Variants in ANKRD13A observed in about 807,000 individuals in gnomAD.
The protein encoded by ANKRD13A is ankyrin repeat domain 13A, also known as ankyrin repeat domain-containing protein 13A.
Under a neutral mutation model 81.3 loss-of-function variants are expected in ANKRD13A, and 48 were observed. The ratio of observed to expected loss-of-function variants is 0.59; its 90% CI spans 0.47 to 0.75. The LOEUF (loss-of-function observed/expected upper bound fraction) is 0.75, where lower values mean the gene tolerates loss of function less well. Ranked by LOEUF, ANKRD13A falls within the 30% of genes least tolerant of loss-of-function variation. The pLI is 0.00. For synonymous variants in ANKRD13A, 230 were observed against 270.1 expected (o/e 0.85, Z 1.45); for missense variants, 612 against 734.0 (o/e 0.83, Z 1.92).
intron 5 of ANKRD13A, 35 bp from the exon 6 acceptor site, chr12:110,019,104 T>A (rs759452049): frequency 6.5e-7 from 1 of 1,540,008 alleles, no homozygotes. Context: ...TCTTCCCTAC[T>A]TTGCACTTAG....
intron 6 of ANKRD13A, among the ~76,000 whole-genome samples, chr12:110,022,970 T>G (rs2137140362): frequency 6.6e-6 from 1 of 152,344 alleles, no homozygotes; most frequent in South Asian, 2.1e-4. Context: ...CATAAACTCA[T>G]TATACCATCT....
chr12:110,001,998 T>C (rs900833183), intron 1 of ANKRD13A, among the ~76,000 whole-genome samples: 3 of 151,862 alleles, frequency 2.0e-5, no homozygotes, highest in African/African-American at 7.3e-5. Context: ...CAGGCTGGTC[T>C]TGAACTCTTG....
At chr12:110,000,268 A>G (rs938586142) in intron 1 of ANKRD13A, among the ~76,000 whole-genome samples, 3 of 152,138 alleles carry the variant, frequency 2.0e-5, no homozygotes, top group African/African-American at 7.2e-5. Context: ...TGGGCAAGGC[A>G]TTTTCCCTCT....
intron 12 of ANKRD13A, chr12:110,032,421 A>G (rs1436377767): frequency 6.6e-6 from 1 of 152,240 alleles, no homozygotes; most frequent in Non-Finnish European, 1.5e-5. Flanking sequence ...CTCGACAATA[A>G]TATACACCTT....
rs544700124 is a variant in ANKRD13A, at chr12:110,033,823, G to A, written c.1375G>A (p.Asp459Asn). 1.2e-6 allele frequency: 2 copies of A among 1,607,850 alleles called. No homozygotes were observed. The highest frequency in any genetic ancestry group is 1.1e-5 in the South Asian group (1 of 90,010). The change falls in exon 13 of 15, where the codon GAT becomes AAT. Residue 459 changes from aspartate (D) to asparagine (N), a missense_variant. By Grantham distance (23) the Asp-to-Asn change is conservative. Coordinates refer to ENST00000261739, the MANE Select transcript of ANKRD13A (RefSeq NM_033121.2). ...SASHITNFEV[D>N]QSVFEIPESY... Reference sequence around the variant, plus strand: ...TTCCCACATCACAAACTTTGAGGTTGATCAATCTGTGTTTGAAATTCCCGA... The same window carrying A: ...TTCCCACATCACAAACTTTGAGGTTAATCAATCTGTGTTTGAAATTCCCGA...
At chr12:110,003,910 G>A (rs1051742066) in intron 1 of ANKRD13A, among the ~76,000 whole-genome samples, 4 of 152,146 alleles carry the variant, frequency 2.6e-5, no homozygotes, top group South Asian at 2.1e-4. Context: ...TGTACTCCCA[G>A]CTCTTTGGGA....
chr12:110,033,740 A>G, intron 12 of ANKRD13A, 57 bp from the exon 13 acceptor site: 1 of 1,451,252 alleles, frequency 6.9e-7, no homozygotes, highest in Non-Finnish European at 9.1e-7. Flanking sequence ...ATTTTTGCAA[A>G]AAGTTGGAGT....
At chr12:110,015,953 CTTT>C (rs559435860) in intron 3 of ANKRD13A, among the ~76,000 whole-genome samples, 6 of 139,582 alleles carry the variant, frequency 4.3e-5, no homozygotes, top group Admixed American at 7.1e-5. Context: ...TTTTTTCTTT[CTTT>C]TTTTTTTTTT....
intron 9 of ANKRD13A, 96 bp downstream of exon 9, chr12:110,027,862 C>CT: frequency 8.0e-7 from 1 of 1,244,848 alleles, no homozygotes; most frequent in South Asian, 1.2e-5. Context: ...ACAGCCCACT[C>CT]TATGTAAAGG....
At position 110,027,560 on chromosome 12, in the gene ANKRD13A, T is replaced by C. The variant is rs1039137147; in HGVS notation, c.884-145T>C. ...ACCCTATAAAGGATAAATTAGTTTA[T>C]GGTTATTGTGAATGATTTGATCAGC... On this transcript the variant is annotated intron_variant, in intron 8 of 14. Coordinates refer to ENST00000261739, the MANE Select transcript of ANKRD13A (RefSeq NM_033121.2). 1.9e-5 allele frequency: 14 copies of C among 741,060 alleles called. No individual in the cohort carries two copies. In the Admixed American group the frequency reaches 2.9e-4, roughly 15 times the overall value. The allele number at this position is 741,060 out of a possible 1,614,324, so 45.9% of individuals were successfully genotyped here.
rs1402482787 is a variant in ANKRD13A, at chr12:110,012,080, C to T, written c.172C>T (p.Arg58Ter). The T allele has an allele frequency of 6.2e-7, 1 of 1,613,154 alleles. No homozygotes were observed. The highest frequency in any genetic ancestry group is 8.5e-7 in the Non-Finnish European group (1 of 1,179,278). Residue 58 changes from arginine to a stop codon, truncating the protein, a stop_gained, in exon 2 of 15, where the codon CGA becomes TGA. Coordinates refer to ENST00000261739, the MANE Select transcript of ANKRD13A (RefSeq NM_033121.2). LOFTEE classifies it high-confidence loss of function. ...TTCCTTGGGACATTTGGAATCTGCT[C>T]GAGTCTTACTCCGACATAAAGCAGA... is the stretch of plus-strand genomic sequence containing the variant. ...AVSLGHLESA[R>*]VLLRHKADVT...
At position 110,028,639 on chromosome 12, in the gene ANKRD13A, A is replaced by G. The variant is rs370433255; in HGVS notation, c.1073A>G (p.Gln358Arg). The change falls in exon 10 of 15, where the codon CAG (glutamine) becomes CGG (arginine). Residue 358 changes from glutamine (Q) to arginine (R), a missense_variant. Coordinates refer to ENST00000261739, the MANE Select transcript of ANKRD13A (RefSeq NM_033121.2). Reference sequence around the variant, plus strand: ...CCGAAAGAGCTGACGATTAGAACACAGAAGTAAGAGAGGTTCAGCTGCCAT... The same window carrying G: ...CCGAAAGAGCTGACGATTAGAACACGGAAGTAAGAGAGGTTCAGCTGCCAT... ...GRPKELTIRTQKFKAMLWMCE... is the reference protein window; with the variant it reads ...GRPKELTIRTRKFKAMLWMCE... 1.8e-5 allele frequency: 29 copies of G among 1,614,094 alleles called. No homozygotes were observed. The highest frequency in any genetic ancestry group is 2.3e-5 in the Non-Finnish European group (27 of 1,180,036).
chr12:110,036,706 C>T lies in ANKRD13A; in HGVS notation c.1577+378C>T, dbSNP rs570234015. On this transcript the variant is annotated intron_variant, in intron 14 of 14. Coordinates refer to ENST00000261739, the MANE Select transcript of ANKRD13A (RefSeq NM_033121.2). This position sits in a 1 kb window ranked among gnomAD's most constrained non-coding sequence, Gnocchi z 4.6. ...CGGAGCTTGCAGTGAGCCGAGATCG[C>T]GCCACTGCACTCCAGCCTGGGCGAT... Among the ~76,000 whole-genome samples the T allele has an allele frequency of 3.3e-5, 5 of 152,096 alleles. No homozygotes were observed. The highest frequency in any genetic ancestry group is 6.5e-5 in the Admixed American group (1 of 15,288).
chr12:110,010,777 G>A (rs762182883), intron 1 of ANKRD13A, among the ~76,000 whole-genome samples: 1 of 152,196 alleles, frequency 6.6e-6, no homozygotes, highest in Non-Finnish European at 1.5e-5. Context: ...AAAACAGGGA[G>A]GTTTGATAGC....
At chr12:110,008,792 C>T (rs538190629) in intron 1 of ANKRD13A, among the ~76,000 whole-genome samples, 40 of 151,958 alleles carry the variant, frequency 2.6e-4, no homozygotes, top group African/African-American at 9.7e-4. Flanking sequence ...GGCTGAGGCA[C>T]AAGAATCACT....
chr12:110,019,993 G>A (rs969754725), intron 6 of ANKRD13A, among the ~76,000 whole-genome samples: 3 of 152,178 alleles, frequency 2.0e-5, no homozygotes, highest in African/African-American at 7.2e-5. Flanking sequence ...AAAGCTGTTC[G>A]CTTGTTTCTA....
chr12:110,028,436 A>T, intron 9 of ANKRD13A, 76 bp from the exon 10 acceptor site: 1 of 1,566,122 alleles, frequency 6.4e-7, no homozygotes, highest in Non-Finnish European at 8.7e-7. Context: ...CGTCCACCTC[A>T]GACACTGAGT....
intron 1 of ANKRD13A, among the ~76,000 whole-genome samples, chr12:110,001,761 TGA>T (rs776166153): frequency 6.6e-5 from 10 of 150,640 alleles, no homozygotes; most frequent in Non-Finnish European, 1.5e-4. Context: ...TAAACTTTTG[TGA>T]GAGTCATCGT....
At chr12:110,020,119 A>T (rs1891006548) in intron 6 of ANKRD13A, among the ~76,000 whole-genome samples, 1 of 152,140 alleles carries the variant, frequency 6.6e-6, no homozygotes. Context: ...GGACACTATC[A>T]TCCTGATAGT....
Sources: allele counts gnomAD v4.1 joint callset (sites outside exome capture counted in the v4.1 genomes callset), GRCh38; gene constraint gnomAD v4.1.1; non-coding constraint Gnocchi (gnomAD v3.1); transcripts MANE v1.5; gene names NCBI Gene and HGNC (gene_info 2026-07-23, HGNC 2026-07-21).